BLVRB: variants seen among roughly 807,000 people sequenced by gnomAD.
The protein encoded by BLVRB is flavin reductase (NADPH).
BLVRB carries 25 observed loss-of-function variants against 21.1 expected under a neutral mutation model. The observed-to-expected ratio is 1.19, with a 90% CI of 0.86 to 1.66. The LOEUF is 1.66. Ranked by LOEUF, BLVRB falls within the 40% of genes most tolerant of loss-of-function variation. The probability of loss-of-function intolerance (pLI) is 0.00; values close to 1 mark genes in which losing one functional copy is unlikely to be tolerated. For missense variants in BLVRB, 274 were observed against 282.7 expected, an observed-to-expected ratio of 0.97 and a Z score of 0.22; for synonymous variants, 128 against 122.2, an observed-to-expected ratio of 1.05 and a Z score of -0.31.
At chr19:40,448,608 AATATATATATATATATATATATATAT>A (rs55783717) in intron 4 of BLVRB, among the ~76,000 whole-genome samples, 1 of 126,366 alleles carries the variant, frequency 7.9e-6, no homozygotes, top group Non-Finnish European at 1.7e-5. Context: ...AACAACAACA[AATATATATATATATATATATATATAT>A]ATATATATAT....
chr19:40,454,793 C>G (rs550114290), intron 3 of BLVRB, among the ~76,000 whole-genome samples: 3 of 152,276 alleles, frequency 2.0e-5, no homozygotes, highest in Admixed American at 2.0e-4. Context: ...GATCCACCCA[C>G]CTTGGCCTCC....
intron 3 of BLVRB, among the ~76,000 whole-genome samples, chr19:40,455,985 C>G (rs915761917): frequency 1.3e-5 from 2 of 151,164 alleles, no homozygotes; most frequent in Non-Finnish European, 2.9e-5. Flanking sequence ...ATAACCCGGT[C>G]TCAAAATAAA....
chr19:40,448,765 G>C (rs1356168609), intron 4 of BLVRB, among the ~76,000 whole-genome samples: 1 of 150,110 alleles, frequency 6.7e-6, no homozygotes, highest in Non-Finnish European at 1.5e-5. Context: ...CACACCCTTG[G>C]CTGTGTGTTT....
Position 40,458,421 on chromosome 19 carries a change from C to T in BLVRB, c.204G>A (p.Gln68=), listed in dbSNP as rs1203370416. 1.9e-6 allele frequency: 3 copies of T among 1,593,366 alleles called. No homozygotes were observed. The highest frequency in any genetic ancestry group is 2.3e-5 in the East Asian group (1 of 43,846). The change falls in exon 2 of 5, where the codon CAG becomes CAA. Residue 68 remains glutamine (Q), a synonymous_variant. Coordinates refer to ENST00000263368, the MANE Select transcript of BLVRB (RefSeq NM_000713.3). ...TGCCCAGCAGCACGATGACAGCGTC[C>T]TGCCCAGCCACGGTCTTGTCCACAT... ...AADVDKTVAG[Q]DAVIVLLGTR... is the part of the protein sequence containing the mutation.
intron 3 of BLVRB, chr19:40,457,809 C>T (rs561946398): frequency 3.2e-6 from 1 of 309,214 alleles, no homozygotes; most frequent in South Asian, 8.9e-5. Flanking sequence ...TGACCTCTCT[C>T]AGCCTAAGTC....
At chr19:40,452,379 C>T (rs988068151) in intron 3 of BLVRB, among the ~76,000 whole-genome samples, 4 of 152,130 alleles carry the variant, frequency 2.6e-5, no homozygotes, top group African/African-American at 7.2e-5. Flanking sequence ...GTGGCGTGAA[C>T]ACGGCTCACT....
chr19:40,458,902 A>G (rs1410830462), intron 1 of BLVRB, among the ~76,000 whole-genome samples: 4 of 151,958 alleles, frequency 2.6e-5, no homozygotes, highest in African/African-American at 9.6e-5. Flanking sequence ...CATGTTGCCC[A>G]GGCTGGTCTT....
chr19:40,454,827 G>C (rs2079755938), intron 3 of BLVRB, among the ~76,000 whole-genome samples: 1 of 151,956 alleles, frequency 6.6e-6, no homozygotes. Context: ...TTACAGGCGT[G>C]AGCCACAGCA....
Position 40,447,792 on chromosome 19 carries a change from C to A in BLVRB, c.*97G>T. ...AGAGGAAGAGTCACACAGTCGGTTT[C>A]TCTAGAGTAATTTGAAGCTCTTGGC... On this transcript the variant is annotated 3_prime_UTR_variant, in exon 5 of 5. Transcript: ENST00000263368. The A allele has an allele frequency of 7.1e-7, 1 of 1,410,490 alleles. No individual in the cohort carries two copies. Among genetic ancestry groups the A allele is most frequent in the Non-Finnish European group, 9.7e-7 (1 of 1,033,666 alleles). 87.4% of individuals were successfully genotyped at this position (1,410,490 alleles called of 1,614,324 possible).
At chr19:40,461,940 A>G (rs774825704) in intron 1 of BLVRB, among the ~76,000 whole-genome samples, 6 of 152,186 alleles carry the variant, frequency 3.9e-5, no homozygotes, top group African/African-American at 9.7e-5. Context: ...CCTCTGTCAC[A>G]GCCCTCTTTA....
chr19:40,465,406 C>G (rs374566666), intron 1 of BLVRB, among the ~76,000 whole-genome samples: 1 of 152,244 alleles, frequency 6.6e-6, no homozygotes, highest in Non-Finnish European at 1.5e-5. Context: ...GGGCCAATTC[C>G]TCTCTGGCTT....
chr19:40,465,596 GC>G lies in BLVRB; in HGVS notation c.79+13del. 6.2e-7 allele frequency: 1 copy of G among 1,607,810 alleles called. No homozygotes were observed. On this transcript the variant is annotated intron_variant, in intron 1 of 4. Coordinates refer to ENST00000263368, the MANE Select transcript of BLVRB (RefSeq NM_000713.3). ...GTCTGTCCCGTGACATGCCCCGCCC[GC>G]CCCGGCTCATGCCTGCTTGCACCGC...
At chr19:40,458,577 A>G in intron 1 of BLVRB, 32 bp from the exon 2 acceptor site, 2 of 1,554,030 alleles carry the variant, frequency 1.3e-6, no homozygotes, top group East Asian at 2.3e-5. Context: ...GAGCCTGGTC[A>G]GTGGGCTGGC....
chr19:40,448,830 G>A (rs1451183932), intron 4 of BLVRB, among the ~76,000 whole-genome samples: 5 of 151,766 alleles, frequency 3.3e-5, no homozygotes, highest in African/African-American at 7.3e-5. Flanking sequence ...AGTGGCTCAC[G>A]CCTGTAATCT....
rs2079812159 is a variant in BLVRB at position 40,465,718 on chromosome 19, A to T, written c.-30T>A. On this transcript the variant is annotated 5_prime_UTR_variant, in exon 1 of 5. Transcript: ENST00000263368. ...CGGGATCGTGGGGGTGCAAGGCCTC[A>T]GAGTCTCGGCACGCGCGGGAACCCA... 1.9e-6 allele frequency: 3 copies of T among 1,608,346 alleles called. No individual in the cohort carries two copies. Among genetic ancestry groups the T allele is most frequent in the Middle Eastern group, 1.6e-4 (1 of 6,062 alleles).
chr19:40,452,647 C>T (rs2079744978), intron 3 of BLVRB, among the ~76,000 whole-genome samples: 1 of 151,954 alleles, frequency 6.6e-6, no homozygotes, highest in Non-Finnish European at 1.5e-5. Flanking sequence ...GCCAGATCGC[C>T]TGAGGTTAGG....
At chr19:40,454,119 A>G (rs567934171) in intron 3 of BLVRB, among the ~76,000 whole-genome samples, 3 of 152,308 alleles carry the variant, frequency 2.0e-5, no homozygotes, top group Non-Finnish European at 2.9e-5. Context: ...GCATGGTGGC[A>G]CATGCCTGTG....
At chr19:40,463,558 C>T (rs2079797605) in intron 1 of BLVRB, among the ~76,000 whole-genome samples, 1 of 133,552 alleles carries the variant, frequency 7.5e-6, no homozygotes, top group Non-Finnish European at 1.6e-5. Flanking sequence ...TCCCTCCTTC[C>T]CTCCCTTCTT....
At chr19:40,455,612 C>T (rs1599688006) in intron 3 of BLVRB, among the ~76,000 whole-genome samples, 1 of 152,178 alleles carries the variant, frequency 6.6e-6, no homozygotes, top group African/African-American at 2.4e-5. Flanking sequence ...GCAGGAGAAT[C>T]CCTTGAACCC....
Sources: allele counts gnomAD v4.1 joint callset (sites outside exome capture counted in the v4.1 genomes callset), GRCh38; gene constraint gnomAD v4.1.1; transcripts MANE v1.5; gene names NCBI Gene and HGNC (gene_info 2026-07-23, HGNC 2026-07-21).